SASH1: variants seen among roughly 807,000 people sequenced by gnomAD.
SASH1 encodes the protein SAM and SH3 domain containing 1.
Under a neutral mutation model 125.2 loss-of-function variants are expected in SASH1, and 44 were observed. The observed-to-expected ratio is 0.35, with a 90% CI of 0.28 to 0.45. The LOEUF is 0.45. Among genes scored for constraint, SASH1 ranks in the 20% least tolerant of loss-of-function variants. The pLI is 1.00. For synonymous variants in SASH1, 639 were observed against 649.1 expected (o/e 0.98, Z 0.24); for missense variants, 1,426 against 1,614.5 (o/e 0.88, Z 2.00).
chr6:148,391,196 A>G (rs866549853), intron 2 of SASH1, among the ~76,000 whole-genome samples: 5 of 148,160 alleles, frequency 3.4e-5, no homozygotes, highest in South Asian at 4.3e-4. Context: ...CACAACTTCC[A>G]CCTCCCAGGT....
intron 8 of SASH1, among the ~76,000 whole-genome samples, chr6:148,488,876 C>T (rs986549189): frequency 1.3e-5 from 2 of 152,032 alleles, no homozygotes; most frequent in African/African-American, 4.8e-5. Flanking sequence ...GATATTAATC[C>T]CTTATCAGAT....
the SASH1 span, among the ~76,000 whole-genome samples, chr6:148,242,253 G>C: frequency 6.6e-6 from 1 of 152,214 alleles, no homozygotes; most frequent in Non-Finnish European, 1.5e-5. Flanking sequence ...TTGTGATTCA[G>C]AGAAACAGAA....
intron 1 of SASH1, among the ~76,000 whole-genome samples, chr6:148,364,936 A>G (rs1241797948): frequency 6.6e-6 from 1 of 152,164 alleles, no homozygotes; most frequent in Non-Finnish European, 1.5e-5. Flanking sequence ...CAGCCTGGCC[A>G]ACATAGTGAA....
the SASH1 span, among the ~76,000 whole-genome samples, chr6:148,226,806 A>T: frequency 6.6e-6 from 1 of 152,144 alleles, no homozygotes; most frequent in Non-Finnish European, 1.5e-5. Context: ...TTTAGGAGCC[A>T]GGCAACCTCT....
At chr6:148,305,367 G>A (rs189960919) in intron 1 of SASH1, among the ~76,000 whole-genome samples, 1 of 151,600 alleles carries the variant, frequency 6.6e-6, no homozygotes, top group East Asian at 2.0e-4. Flanking sequence ...CAGCACTTCG[G>A]GAAACCGAGG....
chr6:148,261,317 C>T, the SASH1 span, among the ~76,000 whole-genome samples: 1 of 152,112 alleles, frequency 6.6e-6, no homozygotes, highest in East Asian at 1.9e-4. Flanking sequence ...GGAATTGTGT[C>T]GCTTTGACTC....
chr6:148,462,812 G>T (rs1454683329), intron 4 of SASH1, among the ~76,000 whole-genome samples: 2 of 152,178 alleles, frequency 1.3e-5, no homozygotes, highest in Non-Finnish European at 2.9e-5. Context: ...TACAAATGAG[G>T]AGGAGTCTGG....
intron 4 of SASH1, among the ~76,000 whole-genome samples, chr6:148,459,063 A>T (rs934954977): frequency 1.3e-5 from 2 of 151,786 alleles, no homozygotes; most frequent in Non-Finnish European, 2.9e-5. Flanking sequence ...AACATTAGTT[A>T]TTAACTTTGA....
intron 1 of SASH1, among the ~76,000 whole-genome samples, chr6:148,352,412 C>G (rs1562343404): frequency 1.3e-5 from 2 of 151,970 alleles, no homozygotes; most frequent in East Asian, 3.9e-4. Context: ...CCCTGGCCAA[C>G]ATAGTGAAAC....
At chr6:148,229,871 C>A in the SASH1 span, among the ~76,000 whole-genome samples, 1 of 151,980 alleles carries the variant, frequency 6.6e-6, no homozygotes, top group Non-Finnish European at 1.5e-5. Context: ...GCCACTACAC[C>A]CAGCTAATTT....
the SASH1 span, among the ~76,000 whole-genome samples, chr6:148,203,017 G>T: frequency 6.6e-6 from 1 of 152,058 alleles, no homozygotes; most frequent in Non-Finnish European, 1.5e-5. Flanking sequence ...ACAGCAAGAA[G>T]TAACAAGACC....
chr6:148,315,124 T>C (rs559286716), intron 1 of SASH1, among the ~76,000 whole-genome samples: 69 of 152,300 alleles, frequency 4.5e-4, no homozygotes, highest in African/African-American at 1.6e-3. Context: ...TAGCTACTAT[T>C]TATTACTGTT....
intron 1 of SASH1, among the ~76,000 whole-genome samples, chr6:148,386,340 A>G (rs969523663): frequency 1.3e-5 from 2 of 152,264 alleles, no homozygotes; most frequent in Non-Finnish European, 2.9e-5. Flanking sequence ...TAAATAATAT[A>G]TAAATAGTTT....
chr6:148,293,979 G>A (rs1779700283), intron 1 of SASH1, among the ~76,000 whole-genome samples: 1 of 152,208 alleles, frequency 6.6e-6, no homozygotes, highest in Non-Finnish European at 1.5e-5. Context: ...TTGGATGGCT[G>A]AATTGTTTCA....
At position 148,533,540 on chromosome 6, in the gene SASH1, G is replaced by A. The variant is rs1171737783; in HGVS notation, c.1735-231G>A. The stretch of plus-strand genomic sequence containing the variant: ...TTCTGCAGGGCAGGAGGGTGGAGGG[G>A]CTGTGACCGGGGGCCTGCGTGGAAT... On this transcript the variant is annotated intron_variant, in intron 14 of 19. Transcript: ENST00000367467. This position sits in a 1 kb window ranked among gnomAD's most constrained non-coding sequence, Gnocchi z 6.2. Among the ~76,000 whole-genome samples, 1 of 152,134 alleles carries A rather than the reference G, an allele frequency of 6.6e-6. No individual in the cohort carries two copies. Among genetic ancestry groups the A allele is most frequent in the Non-Finnish European group, 1.5e-5 (1 of 68,036 alleles).
the SASH1 span, among the ~76,000 whole-genome samples, chr6:148,257,854 C>G: frequency 6.6e-6 from 1 of 152,136 alleles, no homozygotes; most frequent in Non-Finnish European, 1.5e-5. Context: ...TGGTCTCGAT[C>G]TCTTGACCCT....
intron 2 of SASH1, among the ~76,000 whole-genome samples, chr6:148,391,778 C>T (rs557846029): frequency 6.6e-6 from 1 of 152,274 alleles, no homozygotes; most frequent in South Asian, 2.1e-4. Context: ...GTTTAAATGT[C>T]TTACTATTGG....
chr6:148,233,230 A>T, the SASH1 span, among the ~76,000 whole-genome samples: 26 of 151,782 alleles, frequency 1.7e-4, no homozygotes, highest in South Asian at 4.2e-4. Context: ...AAAAAAAAAA[A>T]AAATAGTGAA....
chr6:148,240,223 C>G, the SASH1 span, among the ~76,000 whole-genome samples: 3 of 151,318 alleles, frequency 2.0e-5, no homozygotes, highest in South Asian at 6.2e-4. Context: ...CTCAAATGCT[C>G]AAAGCCTAGG....
Sources: gnomAD v4.1 joint callset for allele counts (sites outside exome capture counted in the v4.1 genomes callset) on GRCh38, gnomAD v4.1.1 for gene constraint, Gnocchi (gnomAD v3.1) non-coding constraint, MANE v1.5 for transcripts, NCBI Gene and HGNC (gene_info 2026-07-23, HGNC 2026-07-21) for gene names.